PHF13: variants seen among roughly 807,000 people sequenced by gnomAD.
PHF13 encodes the protein PHD zinc finger protein PHF5.
Under a neutral mutation model 25.8 loss-of-function variants are expected in PHF13, and 1 was observed. That is an observed-to-expected ratio of 0.04 (90% CI 0.01 to 0.18). The LOEUF (loss-of-function observed/expected upper bound fraction) is 0.18, where lower values mean the gene tolerates loss of function less well. Ranked by LOEUF, PHF13 falls within the 10% of genes least tolerant of loss-of-function variation. The probability of loss-of-function intolerance (pLI) is 1.00; values close to 1 mark genes in which losing one functional copy is unlikely to be tolerated. For missense variants in PHF13, 306 were observed against 403.2 expected, an observed-to-expected ratio of 0.76 and a Z score of 2.06; for synonymous variants, 195 against 162.4, an observed-to-expected ratio of 1.20 and a Z score of -1.53.
In PHF13 at chr1:6,622,017, T is replaced by A. The variant is rs1641346793; in HGVS notation, c.*380T>A. ...CTGCTTCCACTGTGTTGGGGAGAGG[T>A]GTTCGGTTTCCCCAGCCTGTTAATG... On this transcript the variant is annotated 3_prime_UTR_variant, in exon 4 of 4. Coordinates refer to ENST00000377648, the MANE Select transcript of PHF13 (RefSeq NM_153812.3). The A allele has an allele frequency of 3.2e-6, 1 of 314,018 alleles. No homozygotes were observed. Among genetic ancestry groups the A allele is most frequent in the Admixed American group, 4.3e-5 (1 of 23,372 alleles). The allele number at this position is 314,018 out of a possible 1,614,324, so 19.5% of individuals were successfully genotyped here.
chr1:6,621,516 C>T lies in PHF13; in HGVS notation c.782C>T (p.Ala261Val). The T allele has an allele frequency of 6.2e-7, 1 of 1,614,114 alleles. No individual in the cohort carries two copies. Among genetic ancestry groups the T allele is most frequent in the Non-Finnish European group, 8.5e-7 (1 of 1,180,030 alleles). ...CACACCTGGATTCACCTGTCCTGTG[C>T]GAAAATCCGGAAATCCAATGTTCCA... Reference protein sequence around the residue: ...ECHTWIHLSCAKIRKSNVPEV... With the variant: ...ECHTWIHLSCVKIRKSNVPEV... Residue 261 changes from alanine (A) to valine (V), a missense_variant, in exon 4 of 4, where the codon GCG becomes GTG. By Grantham distance (64) the Ala-to-Val change is moderately conservative. This residue lies in a region of PHF13 where 40 missense variants were observed against 71.6 expected (regional missense o/e 0.56). Coordinates refer to ENST00000377648, the MANE Select transcript of PHF13 (RefSeq NM_153812.3). The surrounding 1 kb of genome is among the most constrained non-coding windows in gnomAD (Gnocchi z 4.8).
chr1:6,616,863 T>C lies in PHF13; in HGVS notation c.141+5T>C. On this transcript the variant is annotated splice_donor_5th_base_variant and intron_variant, in intron 2 of 3. Transcript: ENST00000377648. The stretch of plus-strand genomic sequence containing the variant: ...TACATCCCTTATCCGAAGGAGGTAA[T>C]CTTCTGAGTTTCTGAGACCTTTCTT... 1.2e-6 allele frequency: 2 copies of C among 1,611,846 alleles called. No homozygotes were observed. Among genetic ancestry groups the C allele is most frequent in the Non-Finnish European group, 1.7e-6 (2 of 1,177,932 alleles).
intron 2 of PHF13, among the ~76,000 whole-genome samples, chr1:6,617,787 ATTC>A (rs372879859): frequency 4.1e-4 from 63 of 152,272 alleles, no homozygotes; most frequent in African/African-American, 1.5e-3. Flanking sequence ...GCTGGACACT[ATTC>A]TTGGCCTATG....
chr1:6,619,967 G>C lies in PHF13; in HGVS notation c.306G>C (p.Lys102Asn). 6.2e-7 allele frequency: 1 copy of C among 1,613,884 alleles called. No individual in the cohort carries two copies. The highest frequency in any genetic ancestry group is 8.5e-7 in the Non-Finnish European group (1 of 1,180,014). The change falls in exon 3 of 4, where the codon AAG becomes AAC. Residue 102 changes from lysine (K) to asparagine (N), a missense_variant. By Grantham distance (94) the Lys-to-Asn change is moderately conservative. Around this residue, in one of 5 missense-constraint regions of PHF13, gnomAD observed 186 missense variants for 164.0 expected, o/e 1.13. Coordinates refer to ENST00000377648, the MANE Select transcript of PHF13 (RefSeq NM_153812.3). ...AGCCTACTCTCTTGCAGCGAGCCAA[G>C]CCCAGTAACTTCCTGCTGGACAGAA... ...HLQPTLLQRA[K>N]PSNFLLDRKK... is the part of the protein sequence containing the mutation.
intron 2 of PHF13, 97 bp from the exon 3 acceptor site, chr1:6,619,706 T>A: frequency 8.0e-7 from 1 of 1,246,642 alleles, no homozygotes; most frequent in Non-Finnish European, 1.1e-6. Context: ...TGTGCAGATG[T>A]CTCTGGAGGT....
At chr1:6,614,179 C>G in intron 1 of PHF13, 74 bp downstream of exon 1, 1 of 1,464,780 alleles carries the variant, frequency 6.8e-7, no homozygotes, top group Non-Finnish European at 9.4e-7. Flanking sequence ...GCAGCCAGAC[C>G]CCCGGTCGCC....
In PHF13 at chr1:6,621,643, G is replaced by C; in HGVS notation, c.*6G>C. 1 of 1,613,864 alleles carries C rather than the reference G, an allele frequency of 6.2e-7. No individual in the cohort carries two copies. The highest frequency in any genetic ancestry group is 8.5e-7 in the Non-Finnish European group (1 of 1,179,868). ...GGAAGCTGTTCCTGGACTGACTGCT[G>C]GCTGGCGAGGAGGCTGCGAGCGTGG... On this transcript the variant is annotated 3_prime_UTR_variant, in exon 4 of 4. Coordinates refer to ENST00000377648, the MANE Select transcript of PHF13 (RefSeq NM_153812.3). The surrounding 1 kb of genome is among the most constrained non-coding windows in gnomAD (Gnocchi z 4.8).
At chr1:6,615,014 C>T (rs943323179) in intron 1 of PHF13, among the ~76,000 whole-genome samples, 4 of 151,502 alleles carry the variant, frequency 2.6e-5, no homozygotes, top group South Asian at 2.1e-4. Context: ...GCGCACCCCC[C>T]TCACACATAC....
At chr1:6,620,745 C>G (rs936307734) in intron 3 of PHF13, among the ~76,000 whole-genome samples, 1 of 151,722 alleles carries the variant, frequency 6.6e-6, no homozygotes, top group South Asian at 2.1e-4. Context: ...AAAGGCTGGG[C>G]GCAGTGGCTC....
rs560928075 is a variant in PHF13 at position 6,623,009 on chromosome 1, A to G, written c.*1372A>G. On this transcript the variant is annotated 3_prime_UTR_variant, in exon 4 of 4. Transcript: ENST00000377648. ...TTTTCTAATTGATTGGTAGGTTTTC[A>G]TAAGCATTGTTTCTTTAAGGCATGG... The G allele has an allele frequency of 8.5e-4, 130 of 152,388 alleles. 1 individual carries two copies. The highest frequency in any genetic ancestry group is 2.8e-3 in the African/African-American group (117 of 41,592). 9.4% of individuals were successfully genotyped at this position (152,388 alleles called of 1,614,324 possible). A position where few individuals can be genotyped will look rare whatever the true frequency, so the allele number is the denominator to read the frequency against.
Position 6,621,664 on chromosome 1 carries a change from C to G in PHF13, c.*27C>G, listed in dbSNP as rs551839962. 1.9e-6 allele frequency: 3 copies of G among 1,607,514 alleles called. No homozygotes were observed. The Admixed American group carries it at 5.0e-5, about 27-fold the overall frequency. ...TGCTGGCTGGCGAGGAGGCTGCGAGCGTGGAATCGGAAGCGACCGCGGGCT... is the reference window on the plus strand; with the variant it reads ...TGCTGGCTGGCGAGGAGGCTGCGAGGGTGGAATCGGAAGCGACCGCGGGCT... On this transcript the variant is annotated 3_prime_UTR_variant, in exon 4 of 4. Transcript: ENST00000377648. The surrounding 1 kb of genome is among the most constrained non-coding windows in gnomAD (Gnocchi z 4.8).
chr1:6,622,064 T>C lies in PHF13; in HGVS notation c.*427T>C. ...AATGAACAGCCATACGTGTAAGCTTTTTCTTGAGTGTTAAGTCTTTTACCA... is the reference window on the plus strand; with the variant it reads ...AATGAACAGCCATACGTGTAAGCTTCTTCTTGAGTGTTAAGTCTTTTACCA... On this transcript the variant is annotated 3_prime_UTR_variant, in exon 4 of 4. Coordinates refer to ENST00000377648, the MANE Select transcript of PHF13 (RefSeq NM_153812.3). The C allele has an allele frequency of 4.2e-6, 1 of 240,708 alleles. No individual in the cohort carries two copies. The highest frequency in any genetic ancestry group is 9.2e-5 in the East Asian group (1 of 10,902). The allele number at this position is 240,708 out of a possible 1,614,324, so 14.9% of individuals were successfully genotyped here.
At chr1:6,616,162 G>A (rs1641257534) in intron 1 of PHF13, among the ~76,000 whole-genome samples, 1 of 150,034 alleles carries the variant, frequency 6.7e-6, no homozygotes. Context: ...CTGAGTAGTT[G>A]GGACTACAGG....
At position 6,620,110 on chromosome 1, in the gene PHF13, A is replaced by C. The variant is rs199870194; in HGVS notation, c.449A>C (p.Glu150Ala). 2.5e-6 allele frequency: 4 copies of C among 1,613,472 alleles called. No individual in the cohort carries two copies. The South Asian group carries it at 4.4e-5, about 18-fold the overall frequency. ...CTGGAAGCCGCTGACCCCTACGTGG[A>C]GACCCCCACGAGTCCCACCTTGCAG... ...LKLEAADPYV[E>A]TPTSPTLQDI... Residue 150 changes from glutamate to alanine, a missense_variant, in exon 3 of 4, where the codon GAG becomes GCG. Glu to Ala is a moderately radical substitution (Grantham distance 107). This residue lies in a region of PHF13 where 186 missense variants were observed against 164.0 expected (regional missense o/e 1.13). Transcript: ENST00000377648.
Position 6,620,255 on chromosome 1 carries a change from G to T in PHF13, c.594G>T (p.Arg198=). 2 of 1,613,988 alleles carry T rather than the reference G, an allele frequency of 1.2e-6. No homozygotes were observed. Among genetic ancestry groups the T allele is most frequent in the Non-Finnish European group, 1.7e-6 (2 of 1,180,028 alleles). Reference sequence around the variant, plus strand: ...AAGAAATAAAAACTGAAGGCAAACGGACTATCGTCCGGCAGGGAAAGCAGG... The same window carrying T: ...AAGAAATAAAAACTGAAGGCAAACGTACTATCGTCCGGCAGGGAAAGCAGG... ...QVKEIKTEGK[R]TIVRQGKQVV... The change falls in exon 3 of 4, where the codon CGG becomes CGT. Residue 198 remains arginine (R), a synonymous_variant. Transcript: ENST00000377648.
intron 1 of PHF13, among the ~76,000 whole-genome samples, chr1:6,616,073 G>T (rs550758396): frequency 1.6e-5 from 2 of 126,512 alleles, no homozygotes; most frequent in African/African-American, 6.1e-5. Context: ...TCTGTCTACC[G>T]GGCTGGAGTG....
Position 6,616,938 on chromosome 1 carries a change from C to G in PHF13, c.141+80C>G, listed in dbSNP as rs1042151700. Reference sequence around the variant, plus strand: ...CCACCGCAAGTTCGTGGGCTTCTGACTGGTCAGAGGGTCAGTAGGTTTGGA... The same window carrying G: ...CCACCGCAAGTTCGTGGGCTTCTGAGTGGTCAGAGGGTCAGTAGGTTTGGA... On this transcript the variant is annotated intron_variant, in intron 2 of 3. Coordinates refer to ENST00000377648, the MANE Select transcript of PHF13 (RefSeq NM_153812.3). The G allele has an allele frequency of 5.6e-6, 7 of 1,244,848 alleles. No homozygotes were observed. In the African/African-American group the frequency reaches 8.9e-5, roughly 16 times the overall value. 77.1% of individuals were successfully genotyped at this position (1,244,848 alleles called of 1,614,324 possible). A position where few individuals can be genotyped will look rare whatever the true frequency, so the allele number is the denominator to read the frequency against.
chr1:6,623,256 T>C lies in PHF13; in HGVS notation c.*1619T>C, dbSNP rs1052288040. ...CTTTCACACTTGTCCAACCGTCTTA[T>C]TTTTTTAAAAGTTCTGTTGCTTGTA... On this transcript the variant is annotated 3_prime_UTR_variant, in exon 4 of 4. Coordinates refer to ENST00000377648, the MANE Select transcript of PHF13 (RefSeq NM_153812.3). 1.3e-5 allele frequency: 2 copies of C among 152,164 alleles called. No homozygotes were observed. The highest frequency in any genetic ancestry group is 4.9e-5 in the African/African-American group (2 of 41,212). The allele number at this position is 152,164 out of a possible 1,614,324, so 9.4% of individuals were successfully genotyped here. A position where few individuals can be genotyped will look rare whatever the true frequency, so the allele number is the denominator to read the frequency against.
At chr1:6,620,405 T>C (rs558161377) in intron 3 of PHF13, 68 bp downstream of exon 3, 144 of 1,502,348 alleles carry the variant, frequency 9.6e-5, no homozygotes, top group Admixed American at 6.6e-4. Flanking sequence ...TTTTATTAAG[T>C]GGTCATCTCT....
Sources: gnomAD v4.1 joint callset for allele counts (sites outside exome capture counted in the v4.1 genomes callset) on GRCh38, gnomAD v4.1.1 for gene constraint, gnomAD v4.1.1 regional missense constraint, Gnocchi (gnomAD v3.1) non-coding constraint, MANE v1.5 for transcripts, NCBI Gene and HGNC (gene_info 2026-07-23, HGNC 2026-07-21) for gene names.